The following CACNA1E variants were observed in gnomAD, a reference collection of about 807,000 sequenced individuals.
The protein encoded by CACNA1E is voltage-dependent R-type calcium channel subunit alpha-1E.
Under a neutral mutation model 259.2 loss-of-function variants are expected in CACNA1E, and 40 were observed. The observed-to-expected ratio is 0.15, with a 90% confidence interval of 0.12 to 0.20. The LOEUF (loss-of-function observed/expected upper bound fraction) is 0.20, where lower values mean the gene tolerates loss of function less well. CACNA1E is among the 10% of genes least tolerant of loss of function. CACNA1E has a pLI of 1.00. For synonymous variants in CACNA1E, 1,104 were observed against 1,138.5 expected, an observed-to-expected ratio of 0.97 and a Z score of 0.61; for missense variants, 1,874 against 3,040.1, an observed-to-expected ratio of 0.62 and a Z score of 9.02.
intron 15 of CACNA1E, 53 bp from the exon 16 acceptor site, chr1:181,721,705 C>T: frequency 8.4e-7 from 1 of 1,184,954 alleles, no homozygotes; most frequent in Non-Finnish European, 1.3e-6. Flanking sequence ...GCATTGGCCC[C>T]ATTTTCTCCT....
At chr1:181,507,748 C>T (rs944964270) in intron 1 of CACNA1E, among the ~76,000 whole-genome samples, 3 of 152,182 alleles carry the variant, frequency 2.0e-5, no homozygotes, top group Non-Finnish European at 4.4e-5. Context: ...CCCACATAGA[C>T]CCATTAGAAT....
intron 6 of CACNA1E, among the ~76,000 whole-genome samples, chr1:181,649,827 G>C (rs1658599683): frequency 6.6e-6 from 1 of 152,074 alleles, no homozygotes; most frequent in Non-Finnish European, 1.5e-5. Context: ...ATATAGAGAG[G>C]AACAACACAC....
intron 7 of CACNA1E, among the ~76,000 whole-genome samples, chr1:181,656,778 C>T (rs1659242215): frequency 6.6e-6 from 1 of 152,146 alleles, no homozygotes; most frequent in African/African-American, 2.4e-5. Context: ...ATCTTTTATA[C>T]CATATTTTTA....
chr1:181,441,220 TCA>T (rs1660452557), intron 2 of CACNA1E, among the ~76,000 whole-genome samples: 1 of 152,124 alleles, frequency 6.6e-6, no homozygotes, highest in Non-Finnish European at 1.5e-5. Flanking sequence ...CAATCTCGGC[TCA>T]CTGCAACCTC....
intron 1 of CACNA1E, among the ~76,000 whole-genome samples, chr1:181,508,343 G>A (rs750895001): frequency 7.9e-5 from 12 of 152,132 alleles, no homozygotes; most frequent in African/African-American, 2.2e-4. Context: ...CACTCTCAAC[G>A]CTCTCAACTT....
intron 1 of CACNA1E, among the ~76,000 whole-genome samples, chr1:181,338,997 T>G (rs1176309758): frequency 2.6e-5 from 4 of 152,156 alleles, no homozygotes; most frequent in African/African-American, 4.8e-5. Context: ...ATTTCTAGGC[T>G]CTCTATTCTG....
intron 6 of CACNA1E, among the ~76,000 whole-genome samples, chr1:181,590,248 G>A (rs1414629917): frequency 1.3e-5 from 2 of 151,806 alleles, no homozygotes; most frequent in East Asian, 3.9e-4. Flanking sequence ...CCAGGTACTA[G>A]GGGCCCCATT....
At chr1:181,677,653 C>T (rs1286780718) in intron 7 of CACNA1E, among the ~76,000 whole-genome samples, 1 of 152,146 alleles carries the variant, frequency 6.6e-6, no homozygotes, top group Non-Finnish European at 1.5e-5. Flanking sequence ...AAAGCTGAAA[C>T]CTGCCACATC....
At chr1:181,347,794 CGAG>C (rs1362785169) in intron 1 of CACNA1E, among the ~76,000 whole-genome samples, 1 of 152,236 alleles carries the variant, frequency 6.6e-6, no homozygotes, top group Non-Finnish European at 1.5e-5. Flanking sequence ...CCCTTCACCA[CGAG>C]GAGTTTTTCT....
chr1:181,770,252 C>T lies in CACNA1E; in HGVS notation c.4882-1041C>T, dbSNP rs186248619. On this transcript the variant is annotated intron_variant, in intron 35 of 47. Coordinates refer to ENST00000367573, the MANE Select transcript of CACNA1E (RefSeq NM_001205293.3). ...CTGGAAAAGTAACCCAGTAAGTCCG[C>T]GATTGTCTCAACATTGACTTGTGAG... Among the ~76,000 whole-genome samples the T allele has an allele frequency of 8.7e-4, 132 of 152,224 alleles. 1 individual carries two copies. The Middle Eastern group carries it at 0.048, about 55-fold the overall frequency.
intron 3 of CACNA1E, among the ~76,000 whole-genome samples, chr1:181,512,094 T>C (rs1313071248): frequency 6.6e-6 from 1 of 152,260 alleles, no homozygotes; most frequent in African/African-American, 2.4e-5. Flanking sequence ...CATACGACAT[T>C]GGGGCTGACC....
chr1:181,562,108 T>G (rs1347061972), intron 3 of CACNA1E, among the ~76,000 whole-genome samples: 1 of 152,154 alleles, frequency 6.6e-6, no homozygotes, highest in South Asian at 2.1e-4. Flanking sequence ...ATTATTTAGT[T>G]GTAGATGATT....
chr1:181,325,375 A>C (rs959012921), intron 1 of CACNA1E, among the ~76,000 whole-genome samples: 1 of 152,194 alleles, frequency 6.6e-6, no homozygotes, highest in African/African-American at 2.4e-5. Flanking sequence ...CTGGGGGTAC[A>C]TGGAGTGTTT....
At chr1:181,691,808 G>A (rs530890730) in intron 7 of CACNA1E, among the ~76,000 whole-genome samples, 5 of 152,220 alleles carry the variant, frequency 3.3e-5, no homozygotes, top group Admixed American at 3.3e-4. Flanking sequence ...ACTACTGGAA[G>A]TCCTACCTGG....
Position 181,716,149 on chromosome 1 carries a change from T to A in CACNA1E, c.1315+20T>A. ...CTGTGGGTGAGTGGATCCAGTTAGATCTTTTACTGCTCTGAATCTCCCACG... is the reference window on the plus strand; with the variant it reads ...CTGTGGGTGAGTGGATCCAGTTAGAACTTTTACTGCTCTGAATCTCCCACG... On this transcript the variant is annotated intron_variant, in intron 10 of 47. Coordinates refer to ENST00000367573, the MANE Select transcript of CACNA1E (RefSeq NM_001205293.3). 7.0e-7 allele frequency: 1 copy of A among 1,436,012 alleles called. No homozygotes were observed. Among genetic ancestry groups the A allele is most frequent in the Non-Finnish European group, 9.6e-7 (1 of 1,040,182 alleles). 89.0% of individuals were successfully genotyped at this position (1,436,012 alleles called of 1,614,324 possible). A position where few individuals can be genotyped will look rare whatever the true frequency, so the allele number is the denominator to read the frequency against.
chr1:181,352,702 A>G (rs765260695), intron 1 of CACNA1E, among the ~76,000 whole-genome samples: 22 of 152,196 alleles, frequency 1.4e-4, no homozygotes, highest in Admixed American at 2.6e-4. Flanking sequence ...TGGAGACATC[A>G]ACTAAATTGC....
Position 181,732,345 on chromosome 1 carries a change from C to T in CACNA1E, c.2298-39C>T, listed in dbSNP as rs1432127454. The T allele has an allele frequency of 6.8e-7, 1 of 1,471,786 alleles. No homozygotes were observed. Among genetic ancestry groups the T allele is most frequent in the South Asian group, 1.4e-5 (1 of 69,960 alleles). The allele number at this position is 1,471,786 out of a possible 1,614,324, so 91.2% of individuals were successfully genotyped here. On this transcript the variant is annotated intron_variant, in intron 19 of 47. Coordinates refer to ENST00000367573, the MANE Select transcript of CACNA1E (RefSeq NM_001205293.3). This position sits in a 1 kb window ranked among gnomAD's most constrained non-coding sequence, Gnocchi z 5.5. Reference sequence around the variant, plus strand: ...TGGCCACCCTCCCTGCCTGCAGCTTCTGGGCTCTGACCGCGGCCCTGCCCT... The same window carrying T: ...TGGCCACCCTCCCTGCCTGCAGCTTTTGGGCTCTGACCGCGGCCCTGCCCT...
chr1:181,497,273 C>T (rs1664841801), intron 1 of CACNA1E, among the ~76,000 whole-genome samples: 1 of 152,166 alleles, frequency 6.6e-6, no homozygotes, highest in East Asian at 1.9e-4. Flanking sequence ...AGTAGACAGG[C>T]TCAGGAGAGC....
intron 6 of CACNA1E, among the ~76,000 whole-genome samples, chr1:181,638,520 G>A (rs1203068289): frequency 6.6e-6 from 1 of 152,180 alleles, no homozygotes; most frequent in South Asian, 2.1e-4. Flanking sequence ...TCTTCACCCA[G>A]CTTCACATGC....
Sources: allele counts gnomAD v4.1 joint callset (sites outside exome capture counted in the v4.1 genomes callset), GRCh38; gene constraint gnomAD v4.1.1; non-coding constraint Gnocchi (gnomAD v3.1); transcripts MANE v1.5; gene names NCBI Gene and HGNC (gene_info 2026-07-23, HGNC 2026-07-21).